The following TEX11 variants were observed in gnomAD, a reference collection of about 807,000 sequenced individuals.
TEX11 encodes testis-expressed protein 11.
A neutral mutation model predicts 84.4 loss-of-function variants in TEX11; 7 were observed. The ratio of observed to expected loss-of-function variants is 0.08; its 90% CI spans 0.05 to 0.16. The LOEUF (loss-of-function observed/expected upper bound fraction) is 0.16. TEX11 is among the 10% of genes least tolerant of loss of function. The pLI, the probability that TEX11 is intolerant of heterozygous loss-of-function variation, is 1.00. For missense variants in TEX11, 551 were observed against 660.5 expected (o/e 0.83, Z 1.82); for synonymous variants, 264 against 222.8 (o/e 1.18, Z -1.64).
At position 70,535,172 on chromosome X, in the gene TEX11, G is replaced by GTAT. The variant is rs1233876415; in HGVS notation, c.2521-5176_2521-5174dup. ...CTTCATTCCTTTCAATGGACAAATA[G>GTAT]TATTCCATTGAATGGAAATACCACA... On this transcript the variant is annotated intron_variant, in intron 28 of 29. Transcript: ENST00000374333. Among the ~76,000 whole-genome samples, 3 of 112,352 alleles carry GTAT rather than the reference G, an allele frequency of 2.7e-5. No individual in the cohort carries two copies. The Admixed American group carries it at 2.8e-4, about 11-fold the overall frequency.
At chrX:70,540,114 C>A (rs746471664) in intron 28 of TEX11, among the ~76,000 whole-genome samples, 8 of 111,563 alleles carry the variant, frequency 7.2e-5, no homozygotes, top group Non-Finnish European at 1.3e-4. Flanking sequence ...AGTCTCAGAA[C>A]AAAATATGAA....
chrX:70,804,684 TACA>T (rs1225558979), intron 9 of TEX11, among the ~76,000 whole-genome samples: 3 of 111,885 alleles, frequency 2.7e-5, no homozygotes, highest in African/African-American at 9.7e-5. Context: ...ATTATATTCC[TACA>T]AATATAGCCG....
chrX:70,588,859 A>C (rs2088888314), intron 25 of TEX11, among the ~76,000 whole-genome samples: 1 of 108,429 alleles, frequency 9.2e-6, no homozygotes, highest in Admixed American at 1.0e-4. Context: ...GCTTGAGCGC[A>C]GGGTTCAAGG....
At chrX:70,754,214 G>A (rs2090851016) in intron 9 of TEX11, among the ~76,000 whole-genome samples, 1 of 109,327 alleles carries the variant, frequency 9.1e-6, no homozygotes. Flanking sequence ...GCCGGGTGCT[G>A]TGAAGGGTGA....
intron 11 of TEX11, among the ~76,000 whole-genome samples, chrX:70,726,121 A>G (rs1184073853): frequency 8.9e-6 from 1 of 112,444 alleles, no homozygotes; most frequent in Non-Finnish European, 1.9e-5. Flanking sequence ...TTGCATTACC[A>G]TCTTTCCTGT....
chrX:70,549,576 C>T (rs2088186063), intron 28 of TEX11, among the ~76,000 whole-genome samples: 2 of 111,110 alleles, frequency 1.8e-5, no homozygotes, highest in South Asian at 7.7e-4. Context: ...CAGCATTCAC[C>T]ACAAGCTGAT....
chrX:70,511,752 C>CAAAA, the TEX11 span, among the ~76,000 whole-genome samples: 55 of 32,704 alleles, frequency 1.7e-3, 2 homozygotes, highest in Non-Finnish European at 3.4e-3. Context: ...GACTCCATCT[C>CAAAA]AAAAAAAAAA....
chrX:70,760,162 T>A (rs902082108), intron 9 of TEX11, among the ~76,000 whole-genome samples: 34 of 111,763 alleles, frequency 3.0e-4, no homozygotes, highest in Non-Finnish European at 2.8e-4. Flanking sequence ...ATAGGAATAA[T>A]CAATATCATG....
chrX:70,633,374 C>G (rs2089532649), intron 17 of TEX11, among the ~76,000 whole-genome samples: 1 of 111,286 alleles, frequency 9.0e-6, no homozygotes. Context: ...CTCCCACCAC[C>G]AAATGGAACT....
chrX:70,557,399 G>A (rs1236329852), intron 25 of TEX11, among the ~76,000 whole-genome samples: 1 of 108,401 alleles, frequency 9.2e-6, no homozygotes, highest in Non-Finnish European at 1.9e-5. Flanking sequence ...GAACCCGGGA[G>A]GCAGAGGTTG....
intron 4 of TEX11, among the ~76,000 whole-genome samples, chrX:70,867,339 G>A (rs897134005): frequency 9.0e-6 from 1 of 111,011 alleles, no homozygotes; most frequent in Non-Finnish European, 1.9e-5. Flanking sequence ...TCTCTTCAAG[G>A]AGAACTACAA....
chrX:70,812,244 A>C (rs61089773), intron 8 of TEX11, among the ~76,000 whole-genome samples: 7,787 of 107,149 alleles, frequency 0.073, 249 homozygotes, highest in East Asian at 0.12. Context: ...TCACTCTGTC[A>C]CCCAGGCTAG....
intron 13 of TEX11, among the ~76,000 whole-genome samples, chrX:70,710,875 T>C (rs1433315268): frequency 4.5e-5 from 5 of 110,737 alleles, no homozygotes; most frequent in African/African-American, 1.6e-4. Context: ...GCCATGTTGG[T>C]GTGCCGCACC....
intron 17 of TEX11, among the ~76,000 whole-genome samples, chrX:70,637,931 TA>T (rs199624736): frequency 0.093 from 8,207 of 87,776 alleles, 432 homozygotes; most frequent in Admixed American, 0.28. Context: ...AAGCTGGAAA[TA>T]AAAAAAAAAT....
intron 9 of TEX11, among the ~76,000 whole-genome samples, chrX:70,793,205 A>C (rs2091135268): frequency 1.8e-5 from 2 of 111,888 alleles, no homozygotes; most frequent in South Asian, 7.6e-4. Flanking sequence ...TCAAAATAAT[A>C]AGAGCCATCT....
chrX:70,676,643 T>A (rs1167017981), intron 15 of TEX11, among the ~76,000 whole-genome samples: 1 of 112,223 alleles, frequency 8.9e-6, no homozygotes, highest in Non-Finnish European at 1.9e-5. Flanking sequence ...AGAGTTTTCA[T>A]TAAGTTTTGA....
At chrX:70,749,695 T>A (rs5936976) in intron 9 of TEX11, among the ~76,000 whole-genome samples, 38,019 of 99,082 alleles carry the variant, frequency 0.38, 6,843 homozygotes, top group East Asian at 0.57. Flanking sequence ...GGTTTTTGTC[T>A]TTGGCTCTGT....
the TEX11 span, among the ~76,000 whole-genome samples, chrX:70,512,233 C>A: frequency 6.9e-3 from 734 of 107,137 alleles, 46 homozygotes; most frequent in African/African-American, 0.024. Context: ...GCATTTTCTT[C>A]TTCTTATTAT....
intron 11 of TEX11, among the ~76,000 whole-genome samples, chrX:70,729,449 C>T (rs2090626933): frequency 9.0e-6 from 1 of 111,461 alleles, no homozygotes; most frequent in African/African-American, 3.3e-5. Flanking sequence ...ATAACCAATA[C>T]AGAGAAGTCC....
Sources: allele counts gnomAD v4.1 joint callset (sites outside exome capture counted in the v4.1 genomes callset), GRCh38; gene constraint gnomAD v4.1.1; transcripts MANE v1.5; gene names NCBI Gene and HGNC (gene_info 2026-07-23, HGNC 2026-07-21).